The following PKD1 variants were observed in gnomAD, a reference collection of about 807,000 sequenced individuals.
The protein encoded by PKD1 is polycystin 1, transient receptor potential channel interacting.
Under a neutral mutation model 361.7 loss-of-function variants are expected in PKD1, and 81 were observed. That is an observed-to-expected ratio of 0.22 (90% CI 0.19 to 0.27). PKD1 has a LOEUF of 0.27. Ranked by LOEUF, PKD1 falls within the 10% of genes least tolerant of loss-of-function variation. The pLI is 1.00. For synonymous variants in PKD1, 3,615 were observed against 2,818.3 expected, an observed-to-expected ratio of 1.28 and a Z score of -8.95; for missense variants, 6,399 against 6,118.3, an observed-to-expected ratio of 1.05 and a Z score of -1.53.
rs2092319648 is a variant in PKD1 at position 2,105,864 on chromosome 16, C to T, written c.7863+1G>A. The T allele has an allele frequency of 6.3e-7, 1 of 1,595,758 alleles. No homozygotes were observed. Among genetic ancestry groups the T allele is most frequent in the Non-Finnish European group, 8.5e-7 (1 of 1,179,416 alleles). Reference sequence around the variant, plus strand: ...GACGTCCCCTCCCAGGCTGCACTCACCTCGTTCAGCACGGTGACCAGGGCC... The same window carrying T: ...GACGTCCCCTCCCAGGCTGCACTCATCTCGTTCAGCACGGTGACCAGGGCC... On this transcript the variant is annotated splice_donor_variant, in intron 20 of 45. Coordinates refer to ENST00000262304, the MANE Select transcript of PKD1 (RefSeq NM_001009944.3). LOFTEE classifies it high-confidence loss of function.
chr16:2,093,194 A>G, intron 37 of PKD1, 101 bp from the exon 38 acceptor site: 4 of 1,427,766 alleles, frequency 2.8e-6, no homozygotes, highest in Non-Finnish European at 2.0e-6. Context: ...GTGTGGCTGC[A>G]GGAAGGTGAG....
At chr16:2,092,445 C>G (rs770085586) in intron 39 of PKD1, 35 bp downstream of exon 39, 1 of 1,393,304 alleles carries the variant, frequency 7.2e-7, no homozygotes, top group Non-Finnish European at 1.0e-6. Context: ...ACAAGAGGAA[C>G]GATTTAAGTC....
chr16:2,106,948 C>T lies in PKD1; in HGVS notation c.7066G>A (p.Val2356Met). 1 of 1,586,796 alleles carries T rather than the reference C, an allele frequency of 6.3e-7. No individual in the cohort carries two copies. The highest frequency in any genetic ancestry group is 1.1e-5 in the South Asian group (1 of 90,838). The part of the protein sequence containing the change: ...GRKEEATNQT[V>M]LIRSGRVPIV... ...GGCACCCGGCCACTCCGGATCAGCA[C>T]CTGGCGTGGGAGTGGGGTTACCTCC... Residue 2356 changes from valine to methionine, a missense_variant and splice_region_variant, in exon 17 of 46, where the codon GTG (valine) becomes ATG (methionine). Physicochemically the swap from Val to Met is conservative, Grantham distance 21. Transcript: ENST00000262304. The surrounding 1 kb of genome is among the most constrained non-coding windows in gnomAD (Gnocchi z 6.5).
intron 1 of PKD1, among the ~76,000 whole-genome samples, chr16:2,122,491 C>T (rs1310111354): frequency 6.6e-6 from 1 of 152,220 alleles, no homozygotes; most frequent in Non-Finnish European, 1.5e-5. Flanking sequence ...AGGTGCTCCC[C>T]ACTGCCCATA....
chr16:2,090,863 G>T (rs780706091), intron 43 of PKD1, 21 bp downstream of exon 43: 2 of 1,606,920 alleles, frequency 1.2e-6, no homozygotes, highest in East Asian at 4.5e-5. Flanking sequence ...CCAGCCCCGC[G>T]CCCACCGGCC....
At position 2,125,833 on chromosome 16, in the gene PKD1, C is replaced by A. The variant is rs554807798; in HGVS notation, c.216-6455G>T. 6.6e-5 allele frequency among the ~76,000 whole-genome samples: 10 copies of A among 152,284 alleles called. No homozygotes were observed. The East Asian group carries it at 1.9e-3, about 29-fold the overall frequency. ...ACCCCCTTGCATCCCTCTCCACTCCCACCCTTCACAGCCTGTGTGGGCAGG... is the reference window on the plus strand; with the variant it reads ...ACCCCCTTGCATCCCTCTCCACTCCAACCCTTCACAGCCTGTGTGGGCAGG... On this transcript the variant is annotated intron_variant, in intron 1 of 45. Transcript: ENST00000262304.
Position 2,115,592 on chromosome 16 carries a change from C to T in PKD1, c.1883G>A (p.Arg628Lys). 6.3e-6 allele frequency: 10 copies of T among 1,597,026 alleles called. No homozygotes were observed. Among genetic ancestry groups the T allele is most frequent in the Non-Finnish European group, 8.5e-6 (10 of 1,172,266 alleles). The part of the protein sequence containing the change: ...TPENGSEPES[R>K]SPDNRTQLAP... ...CAGCTGGGTCCTGTTGTCCGGGGAC[C>T]TGCTCTCAGGCTCGCTGCCGTTCTC... The change falls in exon 10 of 46, where the codon AGG (arginine) becomes AAG (lysine). Residue 628 changes from arginine (R) to lysine (K), a missense_variant. Coordinates refer to ENST00000262304, the MANE Select transcript of PKD1 (RefSeq NM_001009944.3).
In PKD1 at chr16:2,106,859, G is replaced by A; in HGVS notation, c.7155C>T (p.Ser2385=). 1 of 1,550,586 alleles carries A rather than the reference G, an allele frequency of 6.4e-7. No individual in the cohort carries two copies. Among genetic ancestry groups the A allele is most frequent in the South Asian group, 1.1e-5 (1 of 90,318 alleles). The change falls in exon 17 of 46, where the codon TCC becomes TCT. Residue 2385 remains serine (S), a synonymous_variant. Coordinates refer to ENST00000262304, the MANE Select transcript of PKD1 (RefSeq NM_001009944.3). The surrounding 1 kb of genome is among the most constrained non-coding windows in gnomAD (Gnocchi z 6.5). ...GGCAGCGGCCCTCCAAGTACACGTA[G>A]GAGCTGCGGCTCACTTCGTACACGG... ...AQAVYEVSRS[S]YVYLEGRCLN...
At position 2,106,413 on chromosome 16, in the gene PKD1, G is replaced by A. The variant is rs1489990526; in HGVS notation, c.7474C>T (p.His2492Tyr). The change falls in exon 18 of 46, where the codon CAC (histidine) becomes TAC (tyrosine). Residue 2492 changes from histidine to tyrosine, a missense_variant. By Grantham distance (83) the His-to-Tyr change is moderately conservative. Transcript: ENST00000262304. The surrounding 1 kb of genome is among the most constrained non-coding windows in gnomAD (Gnocchi z 6.5). ...GAVHALTTKV[H>Y]FECTGWHDAE... ...CTGCACTCACCCGTGCATTCGAAGTGCACCTTGGTGGTGAGGGCGTGCACA... is the reference window on the plus strand; with the variant it reads ...CTGCACTCACCCGTGCATTCGAAGTACACCTTGGTGGTGAGGGCGTGCACA... The A allele has an allele frequency of 1.3e-6, 2 of 1,589,098 alleles. No individual in the cohort carries two copies. Among genetic ancestry groups the A allele is most frequent in the East Asian group, 2.3e-5 (1 of 43,814 alleles).
chr16:2,092,577 C>A lies in PKD1; in HGVS notation c.11172G>T (p.Trp3724Cys), dbSNP rs866331895. The A allele has an allele frequency of 6.2e-7, 1 of 1,610,928 alleles. No homozygotes were observed. The highest frequency in any genetic ancestry group is 8.5e-7 in the Non-Finnish European group (1 of 1,178,740). The change falls in exon 39 of 46, where the codon TGG (tryptophan) becomes TGT (cysteine). Residue 3724 changes from tryptophan (W) to cysteine (C), a missense_variant. Coordinates refer to ENST00000262304, the MANE Select transcript of PKD1 (RefSeq NM_001009944.3). ...FLAITRSEEL[W>C]PWMAHVLLPY... Reference sequence around the variant, plus strand: ...GCAGCAGCACGTGGGCCATCCATGGCCAGAGCTCCTCAGACCTGCCACAGC... The same window carrying A: ...GCAGCAGCACGTGGGCCATCCATGGACAGAGCTCCTCAGACCTGCCACAGC...
At chr16:2,092,022 C>G in intron 40 of PKD1, 25 bp downstream of exon 40, 6 of 1,612,604 alleles carry the variant, frequency 3.7e-6, no homozygotes, top group Non-Finnish European at 4.2e-6. Context: ...TTGGCGTAGA[C>G]GCCCGGGGCC....
At position 2,090,550 on chromosome 16, in the gene PKD1, T is replaced by C; in HGVS notation, c.12179A>G (p.Gln4060Arg). Reference protein sequence around the residue: ...SCVDSLWSVAQALLVLCPGTG... With the variant: ...SCVDSLWSVARALLVLCPGTG... ...CCCAGGGCACAGCACCAACAGGGCC[T>C]GGGCCACGCTCCAGAGGGAGTCCAC... The change falls in exon 45 of 46, where the codon CAG becomes CGG. Residue 4060 changes from glutamine (Q) to arginine (R), a missense_variant. Gln to Arg is a conservative substitution (Grantham distance 43). Transcript: ENST00000262304. The C allele has an allele frequency of 5.0e-6, 8 of 1,609,882 alleles. No homozygotes were observed. Among genetic ancestry groups the C allele is most frequent in the Non-Finnish European group, 6.8e-6 (8 of 1,179,556 alleles).
intron 1 of PKD1, among the ~76,000 whole-genome samples, chr16:2,132,393 C>G (rs986972557): frequency 1.0e-3 from 157 of 151,690 alleles, no homozygotes; most frequent in Middle Eastern, 3.4e-3. Flanking sequence ...CACAGTAAAA[C>G]CCCGTCTCTA....
intron 20 of PKD1, 27 bp from the exon 21 acceptor site, chr16:2,105,501 C>G: frequency 6.3e-7 from 1 of 1,595,344 alleles, no homozygotes; most frequent in East Asian, 2.2e-5. Flanking sequence ...GCACAGCAAG[C>G]TGTCAGCAGC....
rs899759775 is a variant in PKD1 at position 2,100,057 on chromosome 16, A to G, written c.9727T>C (p.Leu3243=). The part of the protein sequence containing the change: ...EVLAASDAAL[L]RFRRLLVAEL... Reference sequence around the variant, plus strand: ...GCCACCAGCAGGCGCCGGAAGCGCAAAAGGGCTGCGTCGCCTAGAAGGCAG... The same window carrying G: ...GCCACCAGCAGGCGCCGGAAGCGCAGAAGGGCTGCGTCGCCTAGAAGGCAG... The change falls in exon 29 of 46, where the codon TTG becomes CTG. Residue 3243 remains leucine (L), a synonymous_variant. Transcript: ENST00000262304. This position sits in a 1 kb window ranked among gnomAD's most constrained non-coding sequence, Gnocchi z 4.4. 6.3e-7 allele frequency: 1 copy of G among 1,596,868 alleles called. No homozygotes were observed. The highest frequency in any genetic ancestry group is 1.3e-5 in the African/African-American group (1 of 74,556).
chr16:2,111,160 T>G lies in PKD1; in HGVS notation c.4007A>C (p.Asn1336Thr). Residue 1336 changes from asparagine to threonine, a missense_variant, in exon 15 of 46, where the codon AAC becomes ACC. Coordinates refer to ENST00000262304, the MANE Select transcript of PKD1 (RefSeq NM_001009944.3). ...FDWTFGDGSS[N>T]TTVRGCPTVT... Reference sequence around the variant, plus strand: ...CGTCGGGCACCCCCGCACGGTCGTGTTGGAGGAGCCATCCCCGAAGGTCCA... The same window carrying G: ...CGTCGGGCACCCCCGCACGGTCGTGGTGGAGGAGCCATCCCCGAAGGTCCA... 6.2e-7 allele frequency: 1 copy of G among 1,611,246 alleles called. No homozygotes were observed. The highest frequency in any genetic ancestry group is 1.1e-5 in the South Asian group (1 of 91,016).
Position 2,109,602 on chromosome 16 carries a change from G to A in PKD1, c.5565C>T (p.Val1855=). 1.2e-6 allele frequency: 2 copies of A among 1,610,692 alleles called. No individual in the cohort carries two copies. The highest frequency in any genetic ancestry group is 2.2e-5 in the South Asian group (2 of 90,776). Residue 1855 remains valine, a synonymous_variant, in exon 15 of 46, where the codon GTC becomes GTT. Transcript: ENST00000262304. ...SSKRGPHVTM[V]FPDAGTFSIR... is the part of the protein sequence containing the mutation. The stretch of plus-strand genomic sequence containing the variant: ...TGGAGAAGGTGCCAGCATCCGGGAA[G>A]ACCATGGTGACATGAGGGCCACGCT...
chr16:2,091,935 C>T (rs1232192339), intron 40 of PKD1, 29 bp from the exon 41 acceptor site: 5 of 1,611,506 alleles, frequency 3.1e-6, no homozygotes, highest in Non-Finnish European at 4.2e-6. Context: ...GTGGGTGCCG[C>T]ACCCCAGCCC....
chr16:2,115,084 G>A (rs1447935796), intron 10 of PKD1, 159 bp from the exon 11 acceptor site: 1 of 984,890 alleles, frequency 1.0e-6, no homozygotes, highest in African/African-American at 1.7e-5. Context: ...CAGGACAGTT[G>A]CAGACCGGGG....
Sources: gnomAD v4.1 joint callset for allele counts (sites outside exome capture counted in the v4.1 genomes callset) on GRCh38, gnomAD v4.1.1 for gene constraint, Gnocchi (gnomAD v3.1) non-coding constraint, MANE v1.5 for transcripts, NCBI Gene and HGNC (gene_info 2026-07-23, HGNC 2026-07-21) for gene names.